Variants in ARHGAP42 observed in about 807,000 individuals in gnomAD.
ARHGAP42 encodes rho GTPase-activating protein 42.
ARHGAP42 carries 63 observed loss-of-function variants against 125.0 expected under a neutral mutation model. The observed-to-expected ratio is 0.50, with a 90% CI of 0.41 to 0.62. The LOEUF (loss-of-function observed/expected upper bound fraction) is 0.62, where lower values mean the gene tolerates loss of function less well. Among genes scored for constraint, ARHGAP42 ranks in the 20% least tolerant of loss-of-function variants. The pLI, the probability that ARHGAP42 is intolerant of heterozygous loss-of-function variation, is 0.00. For missense variants in ARHGAP42, 766 were observed against 1,024.2 expected (o/e 0.75, Z 3.44); for synonymous variants, 339 against 351.0 (o/e 0.97, Z 0.38).
chr11:100,720,970 TG>T (rs1001896304), intron 1 of ARHGAP42, among the ~76,000 whole-genome samples: 1 of 152,074 alleles, frequency 6.6e-6, no homozygotes, highest in African/African-American at 2.4e-5. Flanking sequence ...TTTTTTTAAC[TG>T]AGCAGATAAT....
At chr11:100,762,606 G>A (rs1392250198) in intron 1 of ARHGAP42, among the ~76,000 whole-genome samples, 2 of 152,080 alleles carry the variant, frequency 1.3e-5, no homozygotes, top group Non-Finnish European at 2.9e-5. Flanking sequence ...TATTTTTTAG[G>A]CATGTATATA....
chr11:100,984,775 A>C (rs1858631364), intron 22 of ARHGAP42, among the ~76,000 whole-genome samples: 2 of 152,144 alleles, frequency 1.3e-5, no homozygotes, highest in South Asian at 4.1e-4. Flanking sequence ...AATCTTTTTC[A>C]AAGAGAGATT....
intron 18 of ARHGAP42, 56 bp from the exon 19 acceptor site, chr11:100,974,403 A>G: frequency 6.7e-7 from 1 of 1,490,678 alleles, no homozygotes; most frequent in Non-Finnish European, 9.1e-7. Flanking sequence ...TTATTTTATA[A>G]TGAAAGTGGC....
At chr11:100,895,490 C>A (rs1251988012) in intron 4 of ARHGAP42, among the ~76,000 whole-genome samples, 3 of 145,758 alleles carry the variant, frequency 2.1e-5, no homozygotes, top group Non-Finnish European at 1.5e-5. Context: ...TATAAAAGAG[C>A]AACTTTTTTT....
At chr11:100,972,486 C>A (rs1858273771) in intron 17 of ARHGAP42, among the ~76,000 whole-genome samples, 1 of 151,690 alleles carries the variant, frequency 6.6e-6, no homozygotes, top group East Asian at 1.9e-4. Flanking sequence ...TAGCACAGCA[C>A]CCAATACTAG....
chr11:100,856,055 A>G (rs1865315013), intron 3 of ARHGAP42, among the ~76,000 whole-genome samples: 2 of 152,048 alleles, frequency 1.3e-5, no homozygotes, highest in South Asian at 2.1e-4. Flanking sequence ...CACATTCCAC[A>G]GATACTGTGG....
intron 2 of ARHGAP42, among the ~76,000 whole-genome samples, chr11:100,787,624 A>G (rs1407929089): frequency 6.6e-6 from 1 of 152,200 alleles, no homozygotes; most frequent in Non-Finnish European, 1.5e-5. Flanking sequence ...TGGGATCCAC[A>G]TTGATAGACA....
intron 1 of ARHGAP42, among the ~76,000 whole-genome samples, chr11:100,758,189 A>G (rs1292933317): frequency 6.6e-6 from 1 of 152,218 alleles, no homozygotes; most frequent in Non-Finnish European, 1.5e-5. Flanking sequence ...CTCCATTTAA[A>G]TTGTACTTGG....
At position 100,962,435 on chromosome 11, in the gene ARHGAP42, A is replaced by T; in HGVS notation, c.1412A>T (p.Tyr471Phe). 1.3e-6 allele frequency: 2 copies of T among 1,551,140 alleles called. No homozygotes were observed. The highest frequency in any genetic ancestry group is 1.7e-4 in the Middle Eastern group (1 of 5,986). Residue 471 changes from tyrosine to phenylalanine, a missense_variant, in exon 16 of 24, where the codon TAC becomes TTC. Physicochemically the swap from Tyr to Phe is conservative, Grantham distance 22 (BLOSUM62 3). Transcript: ENST00000298815. ...LRCLAEPLMTYKLHKDFIIAV... is the reference protein window; with the variant it reads ...LRCLAEPLMTFKLHKDFIIAV... ...TGCCTTGCAGAACCACTGATGACTTACAAGTTGCACAAAGATTTTATCATT... is the reference window on the plus strand; with the variant it reads ...TGCCTTGCAGAACCACTGATGACTTTCAAGTTGCACAAAGATTTTATCATT...
intron 2 of ARHGAP42, among the ~76,000 whole-genome samples, chr11:100,790,983 T>C (rs575102108): frequency 1.3e-5 from 2 of 152,342 alleles, no homozygotes; most frequent in East Asian, 3.9e-4. Context: ...CAGATTTTGC[T>C]TAAGGAAAGT....
intron 1 of ARHGAP42, among the ~76,000 whole-genome samples, chr11:100,768,742 A>ATTTAC (rs1053234311): frequency 1.3e-5 from 2 of 152,046 alleles, no homozygotes; most frequent in African/African-American, 4.8e-5. Context: ...TGTGGAGTTG[A>ATTTAC]TTTACTTTTA....
intron 2 of ARHGAP42, among the ~76,000 whole-genome samples, chr11:100,783,294 G>A (rs1201533712): frequency 1.3e-5 from 2 of 152,138 alleles, no homozygotes; most frequent in Non-Finnish European, 2.9e-5. Context: ...AAATTATTTG[G>A]GCATGTTGGT....
At chr11:100,828,887 C>T (rs1773538140) in intron 3 of ARHGAP42, among the ~76,000 whole-genome samples, 1 of 151,902 alleles carries the variant, frequency 6.6e-6, no homozygotes, top group Admixed American at 6.6e-5. Flanking sequence ...AAAGTGAGGC[C>T]CAACAGTTGC....
chr11:100,876,674 G>A (rs1175046006), intron 4 of ARHGAP42, among the ~76,000 whole-genome samples: 2 of 152,172 alleles, frequency 1.3e-5, no homozygotes, highest in African/African-American at 2.4e-5. Context: ...GTATGTTTGT[G>A]TAGACTCAGC....
At position 100,918,752 on chromosome 11, in the gene ARHGAP42, T is replaced by C. The variant is rs115364642; in HGVS notation, c.487-2742T>C. On this transcript the variant is annotated intron_variant, in intron 5 of 23. Coordinates refer to ENST00000298815, the MANE Select transcript of ARHGAP42 (RefSeq NM_152432.4). Reference sequence around the variant, plus strand: ...TCTGGATGACGTTTCACAGCAGCTTTGGTGTATCAAATTTCAGTAGTCCGC... The same window carrying C: ...TCTGGATGACGTTTCACAGCAGCTTCGGTGTATCAAATTTCAGTAGTCCGC... Among the ~76,000 whole-genome samples, 494 of 152,332 alleles carry C rather than the reference T, an allele frequency of 3.2e-3. 3 individuals are homozygous for C. Among genetic ancestry groups the C allele is most frequent in the African/African-American group, 0.011 (459 of 41,574 alleles).
intron 1 of ARHGAP42, among the ~76,000 whole-genome samples, chr11:100,692,313 A>G (rs1185680162): frequency 3.3e-5 from 5 of 152,258 alleles, no homozygotes; most frequent in Non-Finnish European, 5.9e-5. Flanking sequence ...TTCTATGCTT[A>G]TAACATTCAT....
intron 3 of ARHGAP42, among the ~76,000 whole-genome samples, chr11:100,827,653 C>T (rs1189025005): frequency 6.6e-6 from 1 of 152,168 alleles, no homozygotes; most frequent in Admixed American, 6.5e-5. Flanking sequence ...GTGTGGCTGG[C>T]CACAGGAGAG....
chr11:100,888,281 A>G (rs780781084), intron 4 of ARHGAP42, among the ~76,000 whole-genome samples: 1 of 151,936 alleles, frequency 6.6e-6, no homozygotes, highest in Non-Finnish European at 1.5e-5. Context: ...GTGTATCCCC[A>G]GGCCCTGTAA....
At chr11:100,848,191 T>A (rs1285362344) in intron 3 of ARHGAP42, among the ~76,000 whole-genome samples, 2 of 152,204 alleles carry the variant, frequency 1.3e-5, no homozygotes, top group East Asian at 1.9e-4. Context: ...TTTTGATGGT[T>A]GTAACATACA....
Sources: allele counts gnomAD v4.1 joint callset (sites outside exome capture counted in the v4.1 genomes callset), GRCh38; gene constraint gnomAD v4.1.1; transcripts MANE v1.5; gene names NCBI Gene and HGNC (gene_info 2026-07-23, HGNC 2026-07-21).